AIMP2: variants seen among roughly 807,000 people sequenced by gnomAD.
The protein encoded by AIMP2 is aminoacyl tRNA synthase complex-interacting multifunctional protein 2.
In AIMP2, 20 loss-of-function variants were observed where a neutral mutation model predicts 23.4. The ratio of observed to expected loss-of-function variants is 0.85; its 90% CI spans 0.60 to 1.24. AIMP2 has a LOEUF of 1.24. Ranked by LOEUF, AIMP2 falls within the 50% of genes most tolerant of loss-of-function variation. AIMP2 has a pLI of 0.00. For synonymous variants in AIMP2, 210 were observed against 170.4 expected, an observed-to-expected ratio of 1.23 and a Z score of -1.81; for missense variants, 515 against 414.5, an observed-to-expected ratio of 1.24 and a Z score of -2.10.
chr7:6,009,976 T>A (rs74395943), intron 1 of AIMP2, among the ~76,000 whole-genome samples: 2,456 of 46,036 alleles, frequency 0.053, 261 homozygotes, highest in Non-Finnish European at 0.076. Context: ...AAAAAAAAAA[T>A]ATATATATAT....
At chr7:6,009,989 A>ATG (rs1554311008) in intron 1 of AIMP2, among the ~76,000 whole-genome samples, 5 of 108,408 alleles carry the variant, frequency 4.6e-5, no homozygotes, top group Non-Finnish European at 9.6e-5. Flanking sequence ...ATATATATAT[A>ATG]TATGTATGTA....
At chr7:6,016,809 C>T (rs1278202450) in intron 2 of AIMP2, 2 of 152,298 alleles carry the variant, frequency 1.3e-5, no homozygotes, top group Non-Finnish European at 2.9e-5. Flanking sequence ...TGAGTGTTCA[C>T]ATCAGTGCAT....
intron 2 of AIMP2, among the ~76,000 whole-genome samples, chr7:6,016,046 C>G (rs909373098): frequency 3.9e-5 from 6 of 152,196 alleles, no homozygotes; most frequent in Non-Finnish European, 5.9e-5. Flanking sequence ...AGCCCGGACT[C>G]TCTCTGATCA....
chr7:6,015,164 C>G lies in AIMP2; in HGVS notation c.154C>G (p.Leu52Val), dbSNP rs368275022. ...TGTTTAGGAAGAGTCTAACCTGTCTCTGCAAGCTCTTGAGTCCCGCCAAGA... is the reference window on the plus strand; with the variant it reads ...TGTTTAGGAAGAGTCTAACCTGTCTGTGCAAGCTCTTGAGTCCCGCCAAGA... ...GHVQEESNLS[L>V]QALESRQDDI... The change falls in exon 2 of 4, where the codon CTG (leucine) becomes GTG (valine). Residue 52 changes from leucine to valine, a missense_variant. Physicochemically the swap from Leu to Val is conservative, Grantham distance 32. Transcript: ENST00000223029. 13 of 1,614,172 alleles carry G rather than the reference C, an allele frequency of 8.1e-6. No homozygotes were observed. The African/African-American group carries it at 1.6e-4, about 20-fold the overall frequency.
In AIMP2 at chr7:6,023,513, CT is replaced by C; in HGVS notation, c.786del (p.Lys265ArgfsTer12). 1 of 1,614,224 alleles carries C rather than the reference CT, an allele frequency of 6.2e-7. No individual in the cohort carries two copies. Among genetic ancestry groups the C allele is most frequent in the East Asian group, 2.2e-5 (1 of 44,888 alleles). On this transcript the variant is annotated frameshift_variant, in exon 4 of 4. Transcript: ENST00000223029. LOFTEE classifies it high-confidence loss of function. ...GCTGTTTTCCGCTCCATGAACTCTG[CT>C]CTTGGGAAGAGCCCTTGGCTCGCTG... ...KAAVFRSMNS[A>X]LGKSPWLAGN...
At position 6,009,974 on chromosome 7, in the gene AIMP2, A is replaced by AAAAATATACATATATATATAT; in HGVS notation, c.135+477_135+478insAAATATACATATATATATATA. Among the ~76,000 whole-genome samples the AAAAATATACATATATATATAT allele has an allele frequency of 4.1e-3, 109 of 26,676 alleles. 16 individuals are homozygous for AAAAATATACATATATATATAT. The highest frequency in any genetic ancestry group is 0.014 in the African/African-American group (101 of 7,148). The allele number at this position is 26,676 out of a possible 152,430, so 17.5% of individuals were successfully genotyped here. On this transcript the variant is annotated intron_variant, in intron 1 of 3. Coordinates refer to ENST00000223029, the MANE Select transcript of AIMP2 (RefSeq NM_006303.4). ...CAAAAAAAAAAAAAAAAAAAAAAAA[A>AAAAATATACATATATATATAT]ATATATATATATATATATGTATGTA... is the stretch of plus-strand genomic sequence containing the variant.
chr7:6,014,381 C>T (rs1015896125), intron 1 of AIMP2, among the ~76,000 whole-genome samples: 2 of 150,958 alleles, frequency 1.3e-5, no homozygotes, highest in Non-Finnish European at 2.9e-5. Context: ...CCTCAGCCTC[C>T]TGAGTAGCTG....
intron 3 of AIMP2, among the ~76,000 whole-genome samples, chr7:6,018,886 A>G (rs1233753720): frequency 2.0e-5 from 3 of 152,078 alleles, no homozygotes; most frequent in Admixed American, 6.6e-5. Context: ...TATGAGGCAT[A>G]AAATATTTAC....
rs372238513 is a variant in AIMP2 at position 6,023,669 on chromosome 7, C to T, written c.941C>T (p.Thr314Met). Reference sequence around the variant, plus strand: ...TGTGAAAACCTGGCTCCTTTTAACACGGCCCTCAAGCTCCTTAAGTGAATT... The same window carrying T: ...TGTGAAAACCTGGCTCCTTTTAACATGGCCCTCAAGCTCCTTAAGTGAATT... Reference protein sequence around the residue: ...RSCENLAPFNTALKLLK With the variant: ...RSCENLAPFNMALKLLK The change falls in exon 4 of 4, where the codon ACG becomes ATG. Residue 314 changes from threonine to methionine, a missense_variant. Transcript: ENST00000223029. 45 of 1,613,928 alleles carry T rather than the reference C, an allele frequency of 2.8e-5. No individual in the cohort carries two copies. The South Asian group carries it at 3.2e-4, about 11-fold the overall frequency.
chr7:6,022,105 T>G (rs1787468093), intron 3 of AIMP2: 1 of 152,232 alleles, frequency 6.6e-6, no homozygotes, highest in Non-Finnish European at 1.5e-5. Context: ...AGGCAGGGTC[T>G]TGCTTTGTCT....
rs376793759 is a variant in AIMP2 at position 6,015,136 on chromosome 7, G to C, written c.136-10G>C. The C allele has an allele frequency of 2.2e-4, 355 of 1,613,994 alleles. 4 individuals carry two copies. The South Asian group carries it at 3.0e-3, about 14-fold the overall frequency. ...AGAGGAAATGAACATTTGGCTGTTG[G>C]TTTGTTTAGGAAGAGTCTAACCTGT... On this transcript the variant is annotated splice_polypyrimidine_tract_variant and intron_variant, in intron 1 of 3. Transcript: ENST00000223029.
chr7:6,011,350 C>T (rs1786678215), intron 1 of AIMP2, among the ~76,000 whole-genome samples: 2 of 152,150 alleles, frequency 1.3e-5, no homozygotes, highest in South Asian at 4.1e-4. Flanking sequence ...GCGTGGTATC[C>T]TAAGGTAGTT....
intron 3 of AIMP2, among the ~76,000 whole-genome samples, chr7:6,020,013 T>TC (rs1787281247): frequency 8.8e-6 from 1 of 113,692 alleles, no homozygotes; most frequent in South Asian, 2.7e-4. Context: ...AGAGCGAGAC[T>TC]CCATCTCAAA....
chr7:6,013,005 AAC>A (rs1370537425), intron 1 of AIMP2: 30 of 947,406 alleles, frequency 3.2e-5, no homozygotes, highest in East Asian at 1.3e-4. Flanking sequence ...GAGTTAAGCA[AAC>A]AAGAGAAGAA....
chr7:6,023,236 C>T (rs1787565234), intron 3 of AIMP2, 67 bp from the exon 4 acceptor site: 2 of 1,503,902 alleles, frequency 1.3e-6, no homozygotes, highest in Non-Finnish European at 1.8e-6. Context: ...TGTCCCCTTC[C>T]CCACTGTGCG....
intron 1 of AIMP2, among the ~76,000 whole-genome samples, chr7:6,011,703 G>C (rs1001515848): frequency 1.3e-5 from 2 of 152,144 alleles, no homozygotes; most frequent in Non-Finnish European, 2.9e-5. Flanking sequence ...TAGTTCAATG[G>C]TCCCTGCACC....
chr7:6,009,296 CGT>C lies in AIMP2; in HGVS notation c.-66_-65del. 1 of 1,609,836 alleles carries C rather than the reference CGT, an allele frequency of 6.2e-7. No individual in the cohort carries two copies. Among genetic ancestry groups the C allele is most frequent in the Non-Finnish European group, 8.5e-7 (1 of 1,179,010 alleles). ...CAGAAGGGAGGTGGCCGGTCTCCGT[CGT>C]GACCTCTGACGGTTTCTGAGCGTTG... is the stretch of plus-strand genomic sequence containing the variant. On this transcript the variant is annotated 5_prime_UTR_variant, in exon 1 of 4. Coordinates refer to ENST00000223029, the MANE Select transcript of AIMP2 (RefSeq NM_006303.4).
chr7:6,013,091 C>G, intron 1 of AIMP2: 1 of 588,744 alleles, frequency 1.7e-6, no homozygotes, highest in Non-Finnish European at 2.1e-6. Context: ...GGTTTAGGAA[C>G]TCCTCGGACA....
Position 6,009,296 on chromosome 7 carries a change from C to T in AIMP2, c.-68C>T, listed in dbSNP as rs1583437645. ...CAGAAGGGAGGTGGCCGGTCTCCGT[C>T]GTGACCTCTGACGGTTTCTGAGCGT... On this transcript the variant is annotated 5_prime_UTR_variant, in exon 1 of 4. Coordinates refer to ENST00000223029, the MANE Select transcript of AIMP2 (RefSeq NM_006303.4). 14 of 1,609,834 alleles carry T rather than the reference C, an allele frequency of 8.7e-6. No individual in the cohort carries two copies. Among genetic ancestry groups the T allele is most frequent in the South Asian group, 6.6e-5 (6 of 90,854 alleles).
Sources: allele counts gnomAD v4.1 joint callset (sites outside exome capture counted in the v4.1 genomes callset), GRCh38; gene constraint gnomAD v4.1.1; transcripts MANE v1.5; gene names NCBI Gene and HGNC (gene_info 2026-07-23, HGNC 2026-07-21).